The following COL28A1 variants were observed in gnomAD, a reference collection of about 807,000 sequenced individuals.
The protein encoded by COL28A1 is collagen type XXVIII alpha 1 chain.
COL28A1 carries 161 observed loss-of-function variants against 150.2 expected under a neutral mutation model. The ratio of observed to expected loss-of-function variants is 1.07; its 90% CI spans 0.94 to 1.22. The LOEUF (loss-of-function observed/expected upper bound fraction) is 1.22. Among genes scored for constraint, COL28A1 ranks in the 50% most tolerant of loss-of-function variants. COL28A1 has a pLI of 0.00. For missense variants in COL28A1, 1,617 were observed against 1,388.3 expected (o/e 1.16, Z -2.62); for synonymous variants, 552 against 469.7 (o/e 1.18, Z -2.26).
chr7:7,499,233 C>T (rs1452569387), intron 11 of COL28A1, among the ~76,000 whole-genome samples: 1 of 152,110 alleles, frequency 6.6e-6, no homozygotes, highest in Non-Finnish European at 1.5e-5. Flanking sequence ...AAAACGTTCA[C>T]ATCGTTTGGC....
intron 18 of COL28A1, among the ~76,000 whole-genome samples, chr7:7,452,063 A>G (rs1047117121): frequency 1.3e-5 from 2 of 152,312 alleles, no homozygotes; most frequent in Admixed American, 6.5e-5. Context: ...GGGATTCTAT[A>G]ATAAACCAAG....
chr7:7,473,343 G>GA (rs201522778), intron 15 of COL28A1, among the ~76,000 whole-genome samples: 2,124 of 151,948 alleles, frequency 0.014, 45 homozygotes, highest in African/African-American at 0.048. Context: ...AAATTATCAA[G>GA]AAAAAAACAA....
At chr7:7,455,377 T>C (rs993300054) in intron 16 of COL28A1, among the ~76,000 whole-genome samples, 2 of 152,172 alleles carry the variant, frequency 1.3e-5, no homozygotes, top group African/African-American at 4.8e-5. Flanking sequence ...TATCTTCACA[T>C]TATTTAGATT....
chr7:7,377,927 G>T (rs560756286), intron 30 of COL28A1, among the ~76,000 whole-genome samples: 70 of 151,946 alleles, frequency 4.6e-4, no homozygotes, highest in Middle Eastern at 3.4e-3. Flanking sequence ...TGGAAGAAAC[G>T]ATGAGGGAAA....
chr7:7,480,514 A>G (rs556043253), intron 13 of COL28A1, among the ~76,000 whole-genome samples: 1 of 152,182 alleles, frequency 6.6e-6, no homozygotes, highest in African/African-American at 2.4e-5. Context: ...TGCAAACTAA[A>G]CCAAAAGTGC....
intron 22 of COL28A1, among the ~76,000 whole-genome samples, chr7:7,437,166 C>T (rs546702379): frequency 7.9e-5 from 12 of 152,184 alleles, no homozygotes; most frequent in African/African-American, 2.9e-4. Flanking sequence ...ATTTGGAAGA[C>T]GTAATGAAGG....
intron 25 of COL28A1, among the ~76,000 whole-genome samples, chr7:7,430,944 C>A (rs1784928709): frequency 6.6e-6 from 1 of 152,208 alleles, no homozygotes; most frequent in Admixed American, 6.5e-5. Context: ...GTACACAGCA[C>A]TTCCAGATAC....
intron 13 of COL28A1, among the ~76,000 whole-genome samples, chr7:7,483,613 T>TA (rs1779467794): frequency 6.6e-6 from 1 of 152,104 alleles, no homozygotes; most frequent in African/African-American, 2.4e-5. Context: ...TAAGAATGCT[T>TA]AGGATTCACA....
chr7:7,537,632 T>A (rs972560254), upstream of COL28A1, among the ~76,000 whole-genome samples: 16 of 152,300 alleles, frequency 1.1e-4, no homozygotes, highest in Admixed American at 1.0e-3. Flanking sequence ...AACTACTGCA[T>A]CATTAAGTAT....
At position 7,456,072 on chromosome 7, in the gene COL28A1, A is replaced by C. The variant is rs1306363638; in HGVS notation, c.1343T>G (p.Ile448Ser). Reference protein sequence around the residue: ...GPVGPQGPMGIPGIGSQGEQG... With the variant: ...GPVGPQGPMGSPGIGSQGEQG... The stretch of plus-strand genomic sequence containing the variant: ...TTCCCCTTGACTCCCGATTCCAGGG[A>C]TACCCATTGGTCCTTGGGGTCCCAC... The change falls in exon 16 of 35, where the codon ATC becomes AGC. Residue 448 changes from isoleucine (I) to serine (S), a missense_variant. Physicochemically the swap from Ile to Ser is moderately radical, Grantham distance 142. Coordinates refer to ENST00000399429, the MANE Select transcript of COL28A1 (RefSeq NM_001037763.3). 1 of 1,613,988 alleles carries C rather than the reference A, an allele frequency of 6.2e-7. No homozygotes were observed. Among genetic ancestry groups the C allele is most frequent in the Admixed American group, 1.7e-5 (1 of 60,008 alleles).
In COL28A1 at chr7:7,477,193, G is replaced by C; in HGVS notation, c.1165-13C>G. On this transcript the variant is annotated splice_polypyrimidine_tract_variant and intron_variant, in intron 13 of 34. Coordinates refer to ENST00000399429, the MANE Select transcript of COL28A1 (RefSeq NM_001037763.3). Reference sequence around the variant, plus strand: ...GACCACGGGGACCCTGGTTAGGATAGGAGAAAATGAGGAGCAGGAGGAGAG... The same window carrying C: ...GACCACGGGGACCCTGGTTAGGATACGAGAAAATGAGGAGCAGGAGGAGAG... 9.6e-7 allele frequency: 1 copy of C among 1,039,298 alleles called. No individual in the cohort carries two copies. Among genetic ancestry groups the C allele is most frequent in the South Asian group, 1.3e-5 (1 of 79,746 alleles). 64.4% of individuals were successfully genotyped at this position (1,039,298 alleles called of 1,614,324 possible). A position where few individuals can be genotyped will look rare whatever the true frequency, so the allele number is the denominator to read the frequency against.
At chr7:7,496,472 C>T (rs1393931595) in intron 11 of COL28A1, among the ~76,000 whole-genome samples, 1 of 152,168 alleles carries the variant, frequency 6.6e-6, no homozygotes, top group African/African-American at 2.4e-5. Context: ...CAACTAGGAG[C>T]AACTGTATAT....
chr7:7,447,499 G>A (rs565768527), intron 18 of COL28A1, among the ~76,000 whole-genome samples: 22 of 151,846 alleles, frequency 1.4e-4, no homozygotes, highest in African/African-American at 5.3e-4. Flanking sequence ...ACTTTGTGTT[G>A]AGAAAAATCA....
In COL28A1 at chr7:7,464,173, T is replaced by C. The variant is rs146072396; in HGVS notation, c.1303-8061A>G. On this transcript the variant is annotated intron_variant, in intron 15 of 34. Transcript: ENST00000399429. The stretch of plus-strand genomic sequence containing the variant: ...CCCTAATTTATAAAACAATTACTAA[T>C]ATACCTAAGAAATGAGACAGACAGC... 4.6e-3 allele frequency among the ~76,000 whole-genome samples: 707 copies of C among 152,232 alleles called. 5 individuals carry two copies. The highest frequency in any genetic ancestry group is 0.022 in the East Asian group (115 of 5,184).
the COL28A1 span, among the ~76,000 whole-genome samples, chr7:7,348,649 T>A: frequency 6.6e-6 from 1 of 152,142 alleles, no homozygotes; most frequent in African/African-American, 2.4e-5. Flanking sequence ...TCTGCTCTTT[T>A]TTTTTTATTA....
intron 27 of COL28A1, among the ~76,000 whole-genome samples, chr7:7,387,052 G>T (rs1782227473): frequency 6.6e-6 from 1 of 152,142 alleles, no homozygotes; most frequent in African/African-American, 2.4e-5. Flanking sequence ...GAGGACAGAG[G>T]TGACCTAATC....
chr7:7,400,818 T>C (rs1432227522), intron 27 of COL28A1, among the ~76,000 whole-genome samples: 7 of 152,302 alleles, frequency 4.6e-5, no homozygotes, highest in Non-Finnish European at 1.0e-4. Context: ...TTTTAAAATT[T>C]CTTATTTTAA....
intron 15 of COL28A1, among the ~76,000 whole-genome samples, chr7:7,474,165 T>C (rs1788685928): frequency 6.6e-6 from 1 of 151,152 alleles, no homozygotes; most frequent in African/African-American, 2.4e-5. Context: ...TTGGAGACTA[T>C]CATTCTAAGT....
At position 7,419,977 on chromosome 7, in the gene COL28A1, A is replaced by G. The variant is rs776377425; in HGVS notation, c.1999-24T>C. On this transcript the variant is annotated intron_variant, in intron 25 of 34. Coordinates refer to ENST00000399429, the MANE Select transcript of COL28A1 (RefSeq NM_001037763.3). ...CCCTGAAAAGACACAACAAATAACAAGTTACTAATTTTTTAAAGACTTTAT... is the reference window on the plus strand; with the variant it reads ...CCCTGAAAAGACACAACAAATAACAGGTTACTAATTTTTTAAAGACTTTAT... 5.3e-6 allele frequency: 8 copies of G among 1,521,674 alleles called. No individual in the cohort carries two copies. In the African/African-American group the frequency reaches 1.0e-4, roughly 19 times the overall value. 94.3% of individuals were successfully genotyped at this position (1,521,674 alleles called of 1,614,324 possible). A position where few individuals can be genotyped will look rare whatever the true frequency, so the allele number is the denominator to read the frequency against.
Sources: allele counts gnomAD v4.1 joint callset (sites outside exome capture counted in the v4.1 genomes callset), GRCh38; gene constraint gnomAD v4.1.1; transcripts MANE v1.5; gene names NCBI Gene and HGNC (gene_info 2026-07-23, HGNC 2026-07-21).